Variants in CELF2 observed in about 807,000 individuals in gnomAD.
The protein encoded by CELF2 is CUGBP Elav-like family member 2.
CELF2 carries 8 observed loss-of-function variants against 62.6 expected under a neutral mutation model. The observed-to-expected ratio is 0.13, with a 90% CI of 0.07 to 0.23. The LOEUF is 0.23. Among genes scored for constraint, CELF2 ranks in the 10% least tolerant of loss-of-function variants. CELF2 has a pLI of 1.00. For missense variants in CELF2, 333 were observed against 671.0 expected, an observed-to-expected ratio of 0.50 and a Z score of 5.56; for synonymous variants, 258 against 250.0, an observed-to-expected ratio of 1.03 and a Z score of -0.30.
chr10:10,561,155 C>T, the CELF2 span, among the ~76,000 whole-genome samples: 2 of 152,144 alleles, frequency 1.3e-5, no homozygotes, highest in East Asian at 1.9e-4. Flanking sequence ...ACCCCAATAA[C>T]TTATGGAAAA....
In CELF2 at chr10:11,296,845, G is replaced by C. The variant is rs1308833515; in HGVS notation, c.976+8293G>C. Among the ~76,000 whole-genome samples the C allele has an allele frequency of 6.6e-6, 1 of 152,230 alleles. No individual in the cohort carries two copies. Among genetic ancestry groups the C allele is most frequent in the Non-Finnish European group, 1.5e-5 (1 of 68,040 alleles). On this transcript the variant is annotated intron_variant, in intron 9 of 12. Coordinates refer to ENST00000633077, the MANE Select transcript of CELF2 (RefSeq NM_001326342.2). The surrounding 1 kb of genome is among the most constrained non-coding windows in gnomAD (Gnocchi z 5.0). ...AGGGTGGGTAGGATGTTTAAAAGTA[G>C]AAGCAGAATGGAAGATACATCAAAT...
chr10:11,171,786 T>G (rs1468570715), intron 2 of CELF2, among the ~76,000 whole-genome samples: 1 of 152,200 alleles, frequency 6.6e-6, no homozygotes, highest in Non-Finnish European at 1.5e-5. Flanking sequence ...AGGTAACAAA[T>G]GTGTGAGTGC....
the CELF2 span, among the ~76,000 whole-genome samples, chr10:10,536,313 C>T: frequency 3.3e-5 from 5 of 152,304 alleles, no homozygotes; most frequent in South Asian, 6.2e-4. Context: ...CCACCATGCC[C>T]AGACAGCTTT....
At chr10:11,317,043 T>C (rs2095057352) in intron 10 of CELF2, 2 of 152,204 alleles carry the variant, frequency 1.3e-5, no homozygotes, top group Admixed American at 1.3e-4. Flanking sequence ...ACATACTTTT[T>C]CCACCCAAGA....
upstream of CELF2, among the ~76,000 whole-genome samples, chr10:11,001,708 A>G (rs981796252): frequency 6.6e-6 from 1 of 152,216 alleles, no homozygotes; most frequent in African/African-American, 2.4e-5. Flanking sequence ...TTTATACAGC[A>G]AAAACATCTT....
In CELF2 at chr10:11,220,479, G is replaced by A. The variant is rs191722585; in HGVS notation, c.354+2972G>A. On this transcript the variant is annotated intron_variant, in intron 3 of 12. Coordinates refer to ENST00000633077, the MANE Select transcript of CELF2 (RefSeq NM_001326342.2). This position sits in a 1 kb window ranked among gnomAD's most constrained non-coding sequence, Gnocchi z 4.4. The stretch of plus-strand genomic sequence containing the variant: ...TAAAGGCACCCTCCTTTACATGTCA[G>A]GAATGAATTTTAGAAACCCTTTACA... Among the ~76,000 whole-genome samples, 7 of 152,296 alleles carry A rather than the reference G, an allele frequency of 4.6e-5. 1 individual carries two copies. The East Asian group carries it at 1.3e-3, about 29-fold the overall frequency.
rs527379772 is a variant in CELF2, at chr10:10,849,775, G to A, written c.53+50958G>A. Among the ~76,000 whole-genome samples, 8 of 152,008 alleles carry A rather than the reference G, an allele frequency of 5.3e-5. No individual in the cohort carries two copies. In the South Asian group the frequency reaches 1.7e-3, roughly 32 times the overall value. On this transcript the variant is annotated intron_variant, in intron 1 of 13. Coordinates refer to the CELF2 transcript ENST00000636488. The stretch of plus-strand genomic sequence containing the variant: ...ATGACCAAATAGTTTCTATCTTTGT[G>A]CACGTGTATGTGTATATGTATATGG...
intron 2 of CELF2, among the ~76,000 whole-genome samples, chr10:11,190,402 T>A (rs2076011805): frequency 6.6e-6 from 1 of 152,120 alleles, no homozygotes; most frequent in Non-Finnish European, 1.5e-5. Context: ...TACTCCCTAC[T>A]TAGCTAGATT....
chr10:10,484,440 C>A, the CELF2 span, among the ~76,000 whole-genome samples: 1 of 146,412 alleles, frequency 6.8e-6, no homozygotes, highest in East Asian at 2.0e-4. Flanking sequence ...CCTCAGCCCC[C>A]CAAGGAGCTG....
At chr10:10,734,255 C>A in the CELF2 span, among the ~76,000 whole-genome samples, 1 of 152,188 alleles carries the variant, frequency 6.6e-6, no homozygotes, top group Non-Finnish European at 1.5e-5. Flanking sequence ...TCACAACTTG[C>A]TATTGGTAAT....
At chr10:11,194,711 A>G (rs1277626250) in intron 2 of CELF2, among the ~76,000 whole-genome samples, 1 of 152,238 alleles carries the variant, frequency 6.6e-6, no homozygotes, top group Non-Finnish European at 1.5e-5. Context: ...ATATAATGGT[A>G]AATTTTAATA....
chr10:10,820,704 C>G (rs546071611), intron 1 of CELF2, among the ~76,000 whole-genome samples: 1 of 152,320 alleles, frequency 6.6e-6, no homozygotes, highest in South Asian at 2.1e-4. Context: ...AATCGTTACT[C>G]ACACTGAGAT....
the CELF2 span, among the ~76,000 whole-genome samples, chr10:10,502,047 T>C: frequency 3.9e-5 from 6 of 152,158 alleles, no homozygotes; most frequent in Non-Finnish European, 7.4e-5. Flanking sequence ...ATTCTGCTAA[T>C]ATGGTGGATT....
intron 2 of CELF2, among the ~76,000 whole-genome samples, chr10:11,181,291 G>A (rs1222246281): frequency 6.6e-6 from 1 of 152,312 alleles, no homozygotes; most frequent in East Asian, 1.9e-4. Context: ...TCTGCCTGCT[G>A]TGCTTGTCAA....
chr10:11,252,533 C>T (rs998403249), intron 4 of CELF2, among the ~76,000 whole-genome samples: 22 of 152,196 alleles, frequency 1.4e-4, no homozygotes, highest in Non-Finnish European at 2.9e-4. Context: ...TGGCAGCTTT[C>T]GTCCATCGAG....
At chr10:11,060,373 A>G (rs1366064031) in intron 1 of CELF2, among the ~76,000 whole-genome samples, 1 of 152,218 alleles carries the variant, frequency 6.6e-6, no homozygotes, top group African/African-American at 2.4e-5. Context: ...GTAAGGTACA[A>G]GTATGCCAGA....
At chr10:10,865,081 G>A (rs1231061601) in intron 1 of CELF2, among the ~76,000 whole-genome samples, 3 of 152,142 alleles carry the variant, frequency 2.0e-5, no homozygotes, top group Admixed American at 6.6e-5. Flanking sequence ...AAGGAAAAAT[G>A]AGGAAAATTT....
At chr10:10,645,412 C>T in the CELF2 span, among the ~76,000 whole-genome samples, 13 of 152,096 alleles carry the variant, frequency 8.5e-5, no homozygotes, top group African/African-American at 2.7e-4. Context: ...CAGCACTTTG[C>T]GAGGCTGAGC....
the CELF2 span, among the ~76,000 whole-genome samples, chr10:10,727,264 C>A: frequency 6.6e-6 from 1 of 152,188 alleles, no homozygotes; most frequent in Non-Finnish European, 1.5e-5. Context: ...AAAATAAGAT[C>A]CCTCTAAGGG....
Sources: gnomAD v4.1 joint callset for allele counts (sites outside exome capture counted in the v4.1 genomes callset) on GRCh38, gnomAD v4.1.1 for gene constraint, Gnocchi (gnomAD v3.1) non-coding constraint, MANE v1.5 for transcripts, NCBI Gene and HGNC (gene_info 2026-07-23, HGNC 2026-07-21) for gene names.